OPCML: variants seen among roughly 807,000 people sequenced by gnomAD.
The protein encoded by OPCML is opioid-binding protein/cell adhesion molecule.
In OPCML, 13 loss-of-function variants were observed where a neutral mutation model predicts 37.8. That is an observed-to-expected ratio of 0.34 (90% confidence interval 0.22 to 0.55). The LOEUF is 0.55. Among genes scored for constraint, OPCML ranks in the 20% least tolerant of loss-of-function variants. The probability of loss-of-function intolerance (pLI) is 0.91; values close to 1 mark genes in which losing one functional copy is unlikely to be tolerated. For synonymous variants in OPCML, 176 were observed against 168.8 expected (o/e 1.04, Z -0.33); for missense variants, 341 against 435.6 (o/e 0.78, Z 1.93).
chr11:132,798,343 T>C (rs1461929573), intron 2 of OPCML, among the ~76,000 whole-genome samples: 1 of 152,198 alleles, frequency 6.6e-6, no homozygotes, highest in African/African-American at 2.4e-5. Context: ...AGTGCTGGGA[T>C]TACAGGCATG....
intron 3 of OPCML, among the ~76,000 whole-genome samples, chr11:132,572,223 C>T (rs2096440403): frequency 6.6e-6 from 1 of 151,822 alleles, no homozygotes; most frequent in Non-Finnish European, 1.5e-5. Context: ...CCCTTGGTTG[C>T]CTGTTTATGT....
chr11:133,070,591 G>T (rs1261529239), intron 1 of OPCML, among the ~76,000 whole-genome samples: 1 of 152,152 alleles, frequency 6.6e-6, no homozygotes, highest in Admixed American at 6.5e-5. Flanking sequence ...GTAACGCAAC[G>T]GTGTGGCTAA....
chr11:133,073,524 A>C (rs1243500682), intron 1 of OPCML, among the ~76,000 whole-genome samples: 1 of 152,236 alleles, frequency 6.6e-6, no homozygotes, highest in Non-Finnish European at 1.5e-5. Flanking sequence ...AGCTGAAGTC[A>C]GAACTTGTCC....
At chr11:133,202,018 C>T (rs1452595254) in intron 1 of OPCML, among the ~76,000 whole-genome samples, 1 of 145,856 alleles carries the variant, frequency 6.9e-6, no homozygotes, top group African/African-American at 2.6e-5. Flanking sequence ...GCTTATATTC[C>T]AGCGGAACAG....
chr11:132,600,800 C>T (rs984993250), intron 3 of OPCML, among the ~76,000 whole-genome samples: 1 of 144,984 alleles, frequency 6.9e-6, no homozygotes, highest in Non-Finnish European at 1.5e-5. Context: ...CATTCTTATA[C>T]TTAGGTGATA....
At chr11:132,476,485 A>G (rs2096156186) in intron 4 of OPCML, among the ~76,000 whole-genome samples, 2 of 152,200 alleles carry the variant, frequency 1.3e-5, no homozygotes, top group South Asian at 2.1e-4. Context: ...TGTGGCACAT[A>G]TATACCATGG....
chr11:132,954,143 G>A (rs201300219), intron 1 of OPCML, among the ~76,000 whole-genome samples: 1 of 150,562 alleles, frequency 6.6e-6, no homozygotes, highest in Non-Finnish European at 1.5e-5. Flanking sequence ...TTGTTTTTTT[G>A]TTTGTTTTGT....
chr11:133,156,106 C>T lies in OPCML; in HGVS notation c.62-213096G>A, dbSNP rs144319240. The stretch of plus-strand genomic sequence containing the variant: ...GCTAATCAGATCTTATCACTCCCCT[C>T]CTTACACAATTTTTAAAGTCATCCT... On this transcript the variant is annotated intron_variant, in intron 1 of 7. Coordinates refer to ENST00000524381, the MANE Select transcript of OPCML (RefSeq NM_001012393.5). Among the ~76,000 whole-genome samples, 522 of 152,338 alleles carry T rather than the reference C, an allele frequency of 3.4e-3. 1 individual carries two copies. The highest frequency in any genetic ancestry group is 5.5e-3 in the Non-Finnish European group (374 of 68,040).
chr11:132,725,792 A>G (rs900694027), intron 2 of OPCML, among the ~76,000 whole-genome samples: 15 of 150,092 alleles, frequency 1.0e-4, no homozygotes, highest in African/African-American at 2.8e-4. Flanking sequence ...AAAAAAAAAA[A>G]AAAAGAAAGA....
At chr11:132,816,323 T>C (rs1040310827) in intron 2 of OPCML, among the ~76,000 whole-genome samples, 1 of 152,190 alleles carries the variant, frequency 6.6e-6, no homozygotes, top group Non-Finnish European at 1.5e-5. Flanking sequence ...ATGGTCTCTG[T>C]TGCAAATACT....
chr11:133,384,610 G>T (rs1270098042), intron 1 of OPCML, among the ~76,000 whole-genome samples: 1 of 152,178 alleles, frequency 6.6e-6, no homozygotes, highest in African/African-American at 2.4e-5. Context: ...CCTAGCTCTT[G>T]TCGCTTGTCC....
At chr11:133,247,483 CA>C (rs1242831221) in intron 1 of OPCML, among the ~76,000 whole-genome samples, 2 of 152,076 alleles carry the variant, frequency 1.3e-5, no homozygotes, top group African/African-American at 4.8e-5. Context: ...GTTTTTATTG[CA>C]AATAATGTCT....
chr11:133,493,753 G>A (rs1296310453), intron 1 of OPCML, among the ~76,000 whole-genome samples: 1 of 152,136 alleles, frequency 6.6e-6, no homozygotes, highest in Non-Finnish European at 1.5e-5. Flanking sequence ...TAATGTTTTA[G>A]ACATGAAGTC....
rs115916854 is a variant in OPCML, at chr11:132,768,010, C to T, written c.147-110691G>A. 5.0e-3 allele frequency among the ~76,000 whole-genome samples: 766 copies of T among 152,224 alleles called. 6 individuals are homozygous for T. Among genetic ancestry groups the T allele is most frequent in the African/African-American group, 0.018 (739 of 41,538 alleles). On this transcript the variant is annotated intron_variant, in intron 2 of 7. Transcript: ENST00000524381. Reference sequence around the variant, plus strand: ...AGAATATTGTCTATTCAAGGAGACACCAGTTTCCAGTCAGCAGACACAGTC... The same window carrying T: ...AGAATATTGTCTATTCAAGGAGACATCAGTTTCCAGTCAGCAGACACAGTC...
At chr11:133,207,265 C>T (rs145980536) in intron 1 of OPCML, among the ~76,000 whole-genome samples, 1 of 151,954 alleles carries the variant, frequency 6.6e-6, no homozygotes, top group Non-Finnish European at 1.5e-5. Flanking sequence ...AAGCCACTGC[C>T]CTCCAGCCTG....
chr11:132,417,154 T>G lies in OPCML; in HGVS notation c.*3039A>C, dbSNP rs2095941583. ...GCCCACTACTGGCACCCTGAACAAA[T>G]CTAGCCTGTAGGCATTCTCCATGTA... On this transcript the variant is annotated 3_prime_UTR_variant, in exon 8 of 8. Coordinates refer to ENST00000524381, the MANE Select transcript of OPCML (RefSeq NM_001012393.5). 1 of 152,420 alleles carries G rather than the reference T, an allele frequency of 6.6e-6. No individual in the cohort carries two copies. Among genetic ancestry groups the G allele is most frequent in the Non-Finnish European group, 1.5e-5 (1 of 68,072 alleles). The allele number at this position is 152,420 out of a possible 1,614,324, so 9.4% of individuals were successfully genotyped here.
Position 133,249,374 on chromosome 11 carries a change from T to A in OPCML, c.61+282890A>T, listed in dbSNP as rs1941052923. Among the ~76,000 whole-genome samples the A allele has an allele frequency of 2.0e-5, 3 of 152,126 alleles. 1 individual carries two copies. The highest frequency in any genetic ancestry group is 4.1e-4 in the South Asian group (2 of 4,820). On this transcript the variant is annotated intron_variant, in intron 1 of 7. Coordinates refer to ENST00000524381, the MANE Select transcript of OPCML (RefSeq NM_001012393.5). ...GAGAACTAAAAGAGTGAGAACTCAC[T>A]CACTAATGCAAGGAGGATGCAAAGC... is the stretch of plus-strand genomic sequence containing the variant.
intron 4 of OPCML, among the ~76,000 whole-genome samples, chr11:132,443,840 A>G (rs1592183105): frequency 6.6e-6 from 1 of 152,242 alleles, no homozygotes; most frequent in Non-Finnish European, 1.5e-5. Context: ...CCTGAATCCT[A>G]TCACTCATCT....
At chr11:132,509,375 C>T (rs2508943) in intron 4 of OPCML, among the ~76,000 whole-genome samples, 10 of 151,900 alleles carry the variant, frequency 6.6e-5, no homozygotes, top group Middle Eastern at 6.4e-3. Flanking sequence ...GAGAAATTCA[C>T]GCCAGCTGCA....
Sources: gnomAD v4.1 joint callset for allele counts (sites outside exome capture counted in the v4.1 genomes callset) on GRCh38, gnomAD v4.1.1 for gene constraint, MANE v1.5 for transcripts, NCBI Gene and HGNC (gene_info 2026-07-23, HGNC 2026-07-21) for gene names.